CROCC2: variants seen among roughly 807,000 people sequenced by gnomAD.
CROCC2 encodes ciliary rootlet coiled-coil, rootletin family member 2, also known as ciliary rootlet coiled-coil protein 2.
CROCC2 carries 163 observed loss-of-function variants against 177.6 expected under a neutral mutation model. That is an observed-to-expected ratio of 0.92 (90% CI 0.81 to 1.05). The LOEUF is 1.05. CROCC2 is among the 50% of genes least tolerant of loss of function. The pLI, the probability that CROCC2 is intolerant of heterozygous loss-of-function variation, is 0.00. For synonymous variants in CROCC2, 904 were observed against 787.3 expected, an observed-to-expected ratio of 1.15 and a Z score of -2.48; for missense variants, 1,929 against 1,797.8, an observed-to-expected ratio of 1.07 and a Z score of -1.32.
At chr2:240,927,308 G>A (rs565819396) in intron 5 of CROCC2, among the ~76,000 whole-genome samples, 3 of 152,104 alleles carry the variant, frequency 2.0e-5, no homozygotes, top group Admixed American at 6.5e-5. Flanking sequence ...TTTAGGGTTC[G>A]CGGAACCTCT....
rs376679851 is a variant in CROCC2 at position 240,949,131 on chromosome 2, G to T, written c.2482+34G>T. 1 of 1,494,046 alleles carries T rather than the reference G, an allele frequency of 6.7e-7. No homozygotes were observed. The allele number at this position is 1,494,046 out of a possible 1,614,324, so 92.5% of individuals were successfully genotyped here. A position where few individuals can be genotyped will look rare whatever the true frequency, so the allele number is the denominator to read the frequency against. On this transcript the variant is annotated intron_variant, in intron 16 of 31. Coordinates refer to ENST00000690015, the MANE Select transcript of CROCC2 (RefSeq NM_001351305.2). This position sits in a 1 kb window ranked among gnomAD's most constrained non-coding sequence, Gnocchi z 4.5. ...AGGGCGCTCCCTCAGCTCCTTCCCC[G>T]AAAGTCAGCCATGGAGGGGCCCCTG...
chr2:240,912,466 T>C (rs1355339567), intron 1 of CROCC2, among the ~76,000 whole-genome samples: 1 of 152,230 alleles, frequency 6.6e-6, no homozygotes, highest in African/African-American at 2.4e-5. Context: ...TGGAAGTGAC[T>C]TTCCCATTTG....
chr2:240,932,001 C>T (rs1358756091), intron 7 of CROCC2, among the ~76,000 whole-genome samples: 1 of 152,236 alleles, frequency 6.6e-6, no homozygotes, highest in Non-Finnish European at 1.5e-5. Flanking sequence ...GAAGGACTGG[C>T]CAGGAAAAGG....
intron 10 of CROCC2, 24 bp downstream of exon 10, chr2:240,933,366 G>C (rs1282027670): frequency 6.7e-7 from 1 of 1,482,194 alleles, no homozygotes; most frequent in East Asian, 2.5e-5. Context: ...GGGGTTGCAC[G>C]GCCTTGCACA....
intron 27 of CROCC2, among the ~76,000 whole-genome samples, chr2:240,970,612 T>C (rs1044559621): frequency 6.6e-6 from 1 of 152,206 alleles, no homozygotes; most frequent in African/African-American, 2.4e-5. Flanking sequence ...CCTTCCCAGC[T>C]GCACTGCTTC....
rs1443823721 is a variant in CROCC2, at chr2:240,958,253, A to G, written c.2944-1048A>G. ...CCGATGCCCTGTCCCTGAGGCCCTC[A>G]CAGGGGTATCCTGCAGCCAGGCCTC... On this transcript the variant is annotated intron_variant, in intron 19 of 31. Transcript: ENST00000690015. The surrounding 1 kb of genome is among the most constrained non-coding windows in gnomAD (Gnocchi z 6.7). 3 of 924,856 alleles carry G rather than the reference A, an allele frequency of 3.2e-6. 1 individual carries two copies. The East Asian group carries it at 3.5e-4, about 108-fold the overall frequency. 57.3% of individuals were successfully genotyped at this position (924,856 alleles called of 1,614,324 possible). A position where few individuals can be genotyped will look rare whatever the true frequency, so the allele number is the denominator to read the frequency against.
In CROCC2 at chr2:240,935,367, G is replaced by A. The variant is rs953388302; in HGVS notation, c.1948G>A (p.Glu650Lys). 8 of 1,359,416 alleles carry A rather than the reference G, an allele frequency of 5.9e-6. No homozygotes were observed. The Admixed American group carries it at 2.3e-4, about 39-fold the overall frequency. The allele number at this position is 1,359,416 out of a possible 1,614,324, so 84.2% of individuals were successfully genotyped here. Residue 650 changes from glutamate (E) to lysine (K), a missense_variant, in exon 14 of 32, where the codon GAG becomes AAG. By Grantham distance (56) the Glu-to-Lys change is moderately conservative (BLOSUM62 1). Transcript: ENST00000690015. Reference protein sequence around the residue: ...LNHLALQLEQERDQLREQRKT... With the variant: ...LNHLALQLEQKRDQLREQRKT... ...CGACACCTGGTGGCAGCTGGAGCAG[G>A]AGCGGGACCAGCTGCGGGAACAGCG...
chr2:240,909,734 T>C (rs1028390176), intron 1 of CROCC2, among the ~76,000 whole-genome samples: 2 of 152,216 alleles, frequency 1.3e-5, no homozygotes, highest in African/African-American at 4.8e-5. Context: ...TGAAGTCTGC[T>C]CTGCCCGCCC....
intron 28 of CROCC2, 21 bp downstream of exon 28, chr2:240,983,050 A>G: frequency 6.5e-7 from 1 of 1,547,812 alleles, no homozygotes; most frequent in South Asian, 1.2e-5. Context: ...CCAGGAGGGC[A>G]GGGTACGCTG....
At chr2:240,961,282 G>A (rs1203249996) in intron 20 of CROCC2, among the ~76,000 whole-genome samples, 2 of 151,912 alleles carry the variant, frequency 1.3e-5, no homozygotes, top group African/African-American at 4.8e-5. Context: ...ACACACCGGT[G>A]TACACTTGAC....
chr2:240,986,131 C>G (rs888249711), intron 28 of CROCC2: 1 of 350,152 alleles, frequency 2.9e-6, no homozygotes, highest in East Asian at 8.4e-5. Context: ...TGTCCTGCAC[C>G]GCGACTGGCT....
intron 3 of CROCC2, among the ~76,000 whole-genome samples, 182 bp downstream of exon 3, chr2:240,920,316 A>C (rs942610497): frequency 6.6e-6 from 1 of 152,210 alleles, no homozygotes; most frequent in Non-Finnish European, 1.5e-5. Context: ...CTGAGGCAAC[A>C]GATGGGATAA....
intron 28 of CROCC2, among the ~76,000 whole-genome samples, chr2:240,987,182 C>T (rs981410872): frequency 3.9e-5 from 6 of 152,156 alleles, no homozygotes; most frequent in East Asian, 3.9e-4. Context: ...CTTGCATCAG[C>T]CCTGGTTGCG....
chr2:240,975,859 AG>A (rs1157966411), intron 27 of CROCC2, among the ~76,000 whole-genome samples: 1 of 150,688 alleles, frequency 6.6e-6, no homozygotes, highest in East Asian at 2.0e-4. Flanking sequence ...CCTCCCAAGT[AG>A]CTGAGATTAC....
chr2:240,915,728 C>G (rs1045071768), intron 1 of CROCC2, among the ~76,000 whole-genome samples: 1 of 152,168 alleles, frequency 6.6e-6, no homozygotes, highest in African/African-American at 2.4e-5. Flanking sequence ...TGGGCCACCC[C>G]CCTCAGGGCC....
In CROCC2 at chr2:240,960,935, G is replaced by A. The variant is rs1000573788; in HGVS notation, c.3087+1491G>A. 6.6e-6 allele frequency among the ~76,000 whole-genome samples: 1 copy of A among 151,298 alleles called. No homozygotes were observed. The highest frequency in any genetic ancestry group is 1.5e-5 in the Non-Finnish European group (1 of 67,788). On this transcript the variant is annotated intron_variant, in intron 20 of 31. Coordinates refer to ENST00000690015, the MANE Select transcript of CROCC2 (RefSeq NM_001351305.2). The surrounding 1 kb of genome is among the most constrained non-coding windows in gnomAD (Gnocchi z 5.0). ...GGCAGCAGGGGGAGGGGGAGGGGGA[G>A]GTGTGGAGAGGGTGGGGGTGCATTG...
rs371211875 is a variant in CROCC2 at position 240,960,224 on chromosome 2, C to G, written c.3087+780C>G. 1.1e-4 allele frequency among the ~76,000 whole-genome samples: 16 copies of G among 152,380 alleles called. No individual in the cohort carries two copies. In the South Asian group the frequency reaches 3.3e-3, roughly 32 times the overall value. ...CCCTAGACAAGCTGGGCTCTGCCCA[C>G]ACAGCAGGAGGCGCGGACTTCACTG... On this transcript the variant is annotated intron_variant, in intron 20 of 31. Coordinates refer to ENST00000690015, the MANE Select transcript of CROCC2 (RefSeq NM_001351305.2). This position sits in a 1 kb window ranked among gnomAD's most constrained non-coding sequence, Gnocchi z 5.0.
At chr2:240,913,874 G>A (rs576747478) in intron 1 of CROCC2, among the ~76,000 whole-genome samples, 5 of 152,398 alleles carry the variant, frequency 3.3e-5, no homozygotes, top group South Asian at 2.1e-4. Flanking sequence ...GCCGGGCTGC[G>A]GAAGGACGGC....
rs936400389 is a variant in CROCC2, at chr2:240,986,133, C to T, written c.4552-2606C>T. 94 of 349,114 alleles carry T rather than the reference C, an allele frequency of 2.7e-4. 1 individual carries two copies. Among genetic ancestry groups the T allele is most frequent in the South Asian group, 1.7e-3 (81 of 46,980 alleles). 21.6% of individuals were successfully genotyped at this position (349,114 alleles called of 1,614,324 possible). Reference sequence around the variant, plus strand: ...AGGGCACCATCAGTGTCCTGCACCGCGACTGGCTCACAAACGGGGCTGAGT... The same window carrying T: ...AGGGCACCATCAGTGTCCTGCACCGTGACTGGCTCACAAACGGGGCTGAGT... On this transcript the variant is annotated intron_variant, in intron 28 of 31. Coordinates refer to ENST00000690015, the MANE Select transcript of CROCC2 (RefSeq NM_001351305.2).
Sources: allele counts gnomAD v4.1 joint callset (sites outside exome capture counted in the v4.1 genomes callset), GRCh38; gene constraint gnomAD v4.1.1; non-coding constraint Gnocchi (gnomAD v3.1); transcripts MANE v1.5; gene names NCBI Gene and HGNC (gene_info 2026-07-23, HGNC 2026-07-21).